MTERF4: variants seen among roughly 807,000 people sequenced by gnomAD.
MTERF4 encodes mitochondrial transcription termination factor 4, also known as transcription termination factor 4, mitochondrial.
In MTERF4, 17 loss-of-function variants were observed where a neutral mutation model predicts 22.5. The observed-to-expected ratio is 0.75, with a 90% CI of 0.52 to 1.13. The LOEUF (loss-of-function observed/expected upper bound fraction) is 1.13. Ranked by LOEUF, MTERF4 falls within the 50% of genes most tolerant of loss-of-function variation. The pLI, the probability that MTERF4 is intolerant of heterozygous loss-of-function variation, is 0.00. For synonymous variants in MTERF4, 165 were observed against 175.3 expected, an observed-to-expected ratio of 0.94 and a Z score of 0.47; for missense variants, 420 against 466.8, an observed-to-expected ratio of 0.90 and a Z score of 0.92.
intron 3 of MTERF4, 37 bp downstream of exon 3, chr2:241,097,206 C>G: frequency 6.2e-7 from 1 of 1,606,820 alleles, no homozygotes; most frequent in Non-Finnish European, 8.5e-7. Context: ...TCATTCTCAC[C>G]TGAAACTACG....
intron 4 of MTERF4, among the ~76,000 whole-genome samples, chr2:241,081,325 CG>C (rs1363873532): frequency 7.1e-6 from 1 of 140,852 alleles, no homozygotes; most frequent in Non-Finnish European, 1.6e-5. Context: ...CAGCAAGGGT[CG>C]GGGTGGGGAG....
downstream of MTERF4, chr2:241,071,355 C>T (rs939514461): frequency 3.5e-5 from 21 of 601,474 alleles, no homozygotes; most frequent in Admixed American, 3.1e-4. Flanking sequence ...GTCATGGCTG[C>T]GCATGGCTCC....
downstream of MTERF4, among the ~76,000 whole-genome samples, chr2:241,070,831 C>T (rs186810824): frequency 5.9e-5 from 9 of 152,296 alleles, no homozygotes; most frequent in East Asian, 9.7e-4. Context: ...AAGAAAGAGA[C>T]GGAGACAAGC....
chr2:241,070,528 G>A (rs2062655052), downstream of MTERF4, among the ~76,000 whole-genome samples: 1 of 152,232 alleles, frequency 6.6e-6, no homozygotes, highest in African/African-American at 2.4e-5. Flanking sequence ...GGAAGCCCCC[G>A]GAAGTGGCCT....
intron 1 of MTERF4, 60 bp from the exon 2 acceptor site, chr2:241,099,954 A>G (rs766153593): frequency 5.2e-6 from 8 of 1,551,762 alleles, no homozygotes; most frequent in South Asian, 1.2e-5. Flanking sequence ...AATGGACACC[A>G]TAAGACTTCT....
intron 4 of MTERF4, among the ~76,000 whole-genome samples, chr2:241,077,719 T>C (rs1478296092): frequency 6.6e-6 from 1 of 152,202 alleles, no homozygotes; most frequent in Non-Finnish European, 1.5e-5. Context: ...AAGGAAGATA[T>C]GCAAATGGCC....
At chr2:241,044,408 C>G in the MTERF4 span, among the ~76,000 whole-genome samples, 3 of 152,220 alleles carry the variant, frequency 2.0e-5, no homozygotes, top group Non-Finnish European at 4.4e-5. Context: ...GTCTCTCCCC[C>G]ACTGAATACA....
the MTERF4 span, among the ~76,000 whole-genome samples, chr2:241,061,329 G>A: frequency 6.6e-6 from 1 of 152,186 alleles, no homozygotes; most frequent in South Asian, 2.1e-4. Flanking sequence ...GGTACATTCA[G>A]CTGGTAAATT....
chr2:241,081,726 T>G, intron 4 of MTERF4: 1 of 1,609,942 alleles, frequency 6.2e-7, no homozygotes, highest in Non-Finnish European at 8.5e-7. Context: ...GAGGCACTTG[T>G]GTGCCGGGCG....
At chr2:241,071,828 T>C (rs755650422), downstream of MTERF4, 14 of 1,601,838 alleles carry the variant, frequency 8.7e-6, no homozygotes, top group African/African-American at 1.5e-4. Flanking sequence ...AGAGGAAGAG[T>C]GAGCGCCAGG....
At chr2:241,042,773 C>T in the MTERF4 span, among the ~76,000 whole-genome samples, 2 of 152,114 alleles carry the variant, frequency 1.3e-5, no homozygotes, top group South Asian at 4.1e-4. Flanking sequence ...AAGGAAAGAT[C>T]AATGAACCTG....
At chr2:241,088,648 G>A, downstream of MTERF4, 1 of 537,336 alleles carries the variant, frequency 1.9e-6, no homozygotes, top group Non-Finnish European at 3.3e-6. Flanking sequence ...GCTCTCTGTG[G>A]ATAGGGCAAA....
the MTERF4 span, among the ~76,000 whole-genome samples, chr2:241,047,523 T>C: frequency 6.6e-6 from 1 of 152,244 alleles, no homozygotes; most frequent in Non-Finnish European, 1.5e-5. Context: ...TATTCTCAAG[T>C]GCTCTTGGCC....
In MTERF4 at chr2:241,099,688, G is replaced by A. The variant is rs772590308; in HGVS notation, c.228C>T (p.Cys76=). Residue 76 remains cysteine (C), a synonymous_variant, in exon 2 of 4, where the codon TGC becomes TGT. Transcript: ENST00000391980. The stretch of plus-strand genomic sequence containing the variant: ...CAGGAGTCCCCTGCTTCTCAAGGAG[G>A]CACTGAACAAGATTCCTCCTGCACT... ...EPECRRNLVQ[C]LLEKQGTPVV... The A allele has an allele frequency of 1.9e-6, 3 of 1,614,068 alleles. No homozygotes were observed. The highest frequency in any genetic ancestry group is 2.2e-5 in the East Asian group (1 of 44,898).
the MTERF4 span, among the ~76,000 whole-genome samples, chr2:241,049,447 A>G: frequency 6.6e-6 from 1 of 152,234 alleles, no homozygotes; most frequent in African/African-American, 2.4e-5. Context: ...TGTGTAATGA[A>G]ATGTATCACT....
At chr2:241,084,068 C>A (rs577978043), downstream of MTERF4, among the ~76,000 whole-genome samples, 5 of 151,244 alleles carry the variant, frequency 3.3e-5, no homozygotes, top group East Asian at 9.7e-4. Flanking sequence ...CCATACACAT[C>A]TTCACCTTAA....
intron 4 of MTERF4, among the ~76,000 whole-genome samples, chr2:241,081,202 A>G (rs1459194702): frequency 6.6e-6 from 1 of 152,196 alleles, no homozygotes; most frequent in Non-Finnish European, 1.5e-5. Context: ...CTCTCTAGTG[A>G]GAGTTCACAG....
At chr2:241,058,818 C>T in the MTERF4 span, among the ~76,000 whole-genome samples, 5 of 152,012 alleles carry the variant, frequency 3.3e-5, no homozygotes, top group African/African-American at 7.3e-5. Context: ...GGCGAGGTGG[C>T]GGGCGCCTGT....
At chr2:241,052,104 G>T in the MTERF4 span, 51 of 1,613,786 alleles carry the variant, frequency 3.2e-5, no homozygotes, top group Non-Finnish European at 4.2e-5. Context: ...CACTACATTG[G>T]CAAATACAAG....
Sources: gnomAD v4.1 joint callset for allele counts (sites outside exome capture counted in the v4.1 genomes callset) on GRCh38, gnomAD v4.1.1 for gene constraint, MANE v1.5 for transcripts, NCBI Gene and HGNC (gene_info 2026-07-23, HGNC 2026-07-21) for gene names.